Variants in CLMN observed in about 807,000 individuals in gnomAD.
CLMN encodes the protein calmin.
Under a neutral mutation model 92.7 loss-of-function variants are expected in CLMN, and 57 were observed. That is an observed-to-expected ratio of 0.61 (90% CI 0.50 to 0.77). The LOEUF is 0.77. Among genes scored for constraint, CLMN ranks in the 30% least tolerant of loss-of-function variants. CLMN has a pLI of 0.00. For synonymous variants in CLMN, 466 were observed against 470.6 expected, an observed-to-expected ratio of 0.99 and a Z score of 0.13; for missense variants, 1,158 against 1,237.5, an observed-to-expected ratio of 0.94 and a Z score of 0.96.
At position 95,256,290 on chromosome 14, in the gene CLMN, T is replaced by C. The variant is rs1340524338; in HGVS notation, c.83-26157A>G. 6.6e-6 allele frequency among the ~76,000 whole-genome samples: 1 copy of C among 152,232 alleles called. No individual in the cohort carries two copies. The highest frequency in any genetic ancestry group is 2.4e-5 in the African/African-American group (1 of 41,462). On this transcript the variant is annotated intron_variant, in intron 1 of 12. Coordinates refer to ENST00000298912, the MANE Select transcript of CLMN (RefSeq NM_024734.4). The surrounding 1 kb of genome is among the most constrained non-coding windows in gnomAD (Gnocchi z 4.9). ...CTGCCTCCTTTAAAACCCAGTTCTA[T>C]TCACAAAAGAGCACAGACTGATCAG... is the stretch of plus-strand genomic sequence containing the variant.
At chr14:95,258,613 G>A (rs111206827) in intron 1 of CLMN, among the ~76,000 whole-genome samples, 18,586 of 147,664 alleles carry the variant, frequency 0.13, 1,678 homozygotes, top group African/African-American at 0.25. Flanking sequence ...GTATATGTGC[G>A]GAAGGTGTGT....
chr14:95,251,027 CCA>C (rs2140678405), intron 1 of CLMN, among the ~76,000 whole-genome samples: 1 of 152,248 alleles, frequency 6.6e-6, no homozygotes, highest in South Asian at 2.1e-4. Flanking sequence ...GCTCCAGGGA[CCA>C]CCTGGAGCCA....
Position 95,203,890 on chromosome 14 carries a change from C to T in CLMN, c.1459G>A (p.Asp487Asn). 1 of 1,614,196 alleles carries T rather than the reference C, an allele frequency of 6.2e-7. No individual in the cohort carries two copies. The highest frequency in any genetic ancestry group is 1.1e-5 in the South Asian group (1 of 91,082). The change falls in exon 9 of 13, where the codon GAC (aspartate) becomes AAC (asparagine). Residue 487 changes from aspartate (D) to asparagine (N), a missense_variant. By Grantham distance (23) the Asp-to-Asn change is conservative. Coordinates refer to ENST00000298912, the MANE Select transcript of CLMN (RefSeq NM_024734.4). ...ESSKIPESSS[D>N]KVAGDIFLVE... is the part of the protein sequence containing the mutation. ...AAAAAAATGTCACCAGCGACCTTGT[C>T]AGAGGAGGATTCTGGAATCTTCGAG...
chr14:95,240,887 T>C (rs1480130897), intron 1 of CLMN, among the ~76,000 whole-genome samples: 1 of 152,160 alleles, frequency 6.6e-6, no homozygotes, highest in African/African-American at 2.4e-5. Flanking sequence ...AGCCCCTCCA[T>C]GGCACCTTGC....
At chr14:95,226,815 G>A (rs1384137018) in intron 2 of CLMN, among the ~76,000 whole-genome samples, 2 of 152,282 alleles carry the variant, frequency 1.3e-5, no homozygotes, top group South Asian at 2.1e-4. Flanking sequence ...GGGCTCATGC[G>A]ATATCCTCCT....
intron 1 of CLMN, among the ~76,000 whole-genome samples, chr14:95,290,363 A>G (rs1045179390): frequency 6.6e-6 from 1 of 152,236 alleles, no homozygotes; most frequent in African/African-American, 2.4e-5. Flanking sequence ...CAGATGTGTT[A>G]AGGATCTTGA....
intron 1 of CLMN, among the ~76,000 whole-genome samples, chr14:95,249,350 T>C (rs1898693466): frequency 1.3e-5 from 2 of 152,206 alleles, no homozygotes; most frequent in South Asian, 2.1e-4. Context: ...CATTCAAACC[T>C]GGTGGGAAAC....
intron 1 of CLMN, among the ~76,000 whole-genome samples, chr14:95,305,733 A>G (rs539390084): frequency 3.9e-5 from 6 of 152,300 alleles, no homozygotes; most frequent in South Asian, 4.1e-4. Flanking sequence ...ACCAGCACCA[A>G]CGCAGGTCAC....
At chr14:95,309,353 C>T (rs902869339) in intron 1 of CLMN, among the ~76,000 whole-genome samples, 3 of 152,258 alleles carry the variant, frequency 2.0e-5, no homozygotes, top group Non-Finnish European at 2.9e-5. Flanking sequence ...TCTAGGGTAA[C>T]GGCATTTCCA....
Position 95,319,864 on chromosome 14 carries a change from G to GGAGAGCCTGGCTGGCGGGCGCT in CLMN, c.-73_-72insAGCGCCCGCCAGCCAGGCTCTC. ...CGCGGAGAGCCTGGCTGGCGGGCGCGCGAGCGGCACGCACCCGGCGAGGGC... is the reference window on the plus strand; with the variant it reads ...CGCGGAGAGCCTGGCTGGCGGGCGCGGAGAGCCTGGCTGGCGGGCGCTCGAGCGGCACGCACCCGGCGAGGGC... On this transcript the variant is annotated 5_prime_UTR_variant, in exon 1 of 13. Transcript: ENST00000298912. 2 of 900,932 alleles carry GGAGAGCCTGGCTGGCGGGCGCT rather than the reference G, an allele frequency of 2.2e-6. No individual in the cohort carries two copies. The highest frequency in any genetic ancestry group is 2.7e-6 in the Non-Finnish European group (2 of 748,958). The allele number at this position is 900,932 out of a possible 1,614,324, so 55.8% of individuals were successfully genotyped here.
chr14:95,188,156 C>A lies in CLMN; in HGVS notation c.*3408G>T, dbSNP rs954588181. 6.6e-6 allele frequency: 1 copy of A among 152,198 alleles called. No homozygotes were observed. Among genetic ancestry groups the A allele is most frequent in the Non-Finnish European group, 1.5e-5 (1 of 68,044 alleles). 9.4% of individuals were successfully genotyped at this position (152,198 alleles called of 1,614,324 possible). On this transcript the variant is annotated 3_prime_UTR_variant, in exon 13 of 13. Transcript: ENST00000298912. ...GCTCACCAGTTGGCACACACAACTT[C>A]CAATCAGCTTTTGGATGCCTCACTC...
intron 1 of CLMN, among the ~76,000 whole-genome samples, chr14:95,251,310 C>T (rs564281003): frequency 1.3e-5 from 2 of 152,142 alleles, no homozygotes; most frequent in Non-Finnish European, 2.9e-5. Context: ...GGCTGTGAAT[C>T]GAATCCCATA....
intron 1 of CLMN, among the ~76,000 whole-genome samples, chr14:95,232,642 T>C (rs1389839926): frequency 6.6e-6 from 1 of 152,016 alleles, no homozygotes; most frequent in Non-Finnish European, 1.5e-5. Context: ...GTTTCACGGG[T>C]GAGAGGGAAG....
intron 1 of CLMN, among the ~76,000 whole-genome samples, chr14:95,239,506 G>A (rs778064243): frequency 6.6e-6 from 1 of 152,150 alleles, no homozygotes; most frequent in South Asian, 2.1e-4. Context: ...AGATTTTGGC[G>A]GTTTCTTTTA....
intron 1 of CLMN, among the ~76,000 whole-genome samples, chr14:95,309,860 T>G (rs531701361): frequency 6.6e-6 from 1 of 152,400 alleles, no homozygotes; most frequent in African/African-American, 2.4e-5. Flanking sequence ...TTCCTGTGGC[T>G]GCTGTGACAG....
At chr14:95,299,175 G>A (rs543485560) in intron 1 of CLMN, among the ~76,000 whole-genome samples, 3 of 152,256 alleles carry the variant, frequency 2.0e-5, no homozygotes, top group South Asian at 4.2e-4. Context: ...AAAGGGACTC[G>A]GGCTGCCCAG....
At chr14:95,241,797 CAA>C (rs1898251174) in intron 1 of CLMN, among the ~76,000 whole-genome samples, 1 of 152,170 alleles carries the variant, frequency 6.6e-6, no homozygotes, top group Non-Finnish European at 1.5e-5. Context: ...TCTATATATA[CAA>C]ACTGTCTAAA....
intron 1 of CLMN, among the ~76,000 whole-genome samples, chr14:95,263,408 G>A (rs1239560897): frequency 6.6e-6 from 1 of 152,146 alleles, no homozygotes; most frequent in African/African-American, 2.4e-5. Flanking sequence ...TACAATTCAA[G>A]ATGAGATCTG....
chr14:95,237,555 G>A (rs1388662374), intron 1 of CLMN, among the ~76,000 whole-genome samples: 2 of 152,240 alleles, frequency 1.3e-5, no homozygotes, highest in African/African-American at 4.8e-5. Context: ...AGGAGAGGGA[G>A]GGTGGCAGGA....
Sources: gnomAD v4.1 joint callset for allele counts (sites outside exome capture counted in the v4.1 genomes callset) on GRCh38, gnomAD v4.1.1 for gene constraint, Gnocchi (gnomAD v3.1) non-coding constraint, MANE v1.5 for transcripts, NCBI Gene and HGNC (gene_info 2026-07-23, HGNC 2026-07-21) for gene names.